PDE8B: variants seen among roughly 807,000 people sequenced by gnomAD.
The protein encoded by PDE8B is phosphodiesterase 8B.
In PDE8B, 26 loss-of-function variants were observed where a neutral mutation model predicts 101.3. The ratio of observed to expected loss-of-function variants is 0.26; its 90% confidence interval spans 0.19 to 0.36. The LOEUF (loss-of-function observed/expected upper bound fraction) is 0.36, where lower values mean the gene tolerates loss of function less well. Ranked by LOEUF, PDE8B falls within the 10% of genes least tolerant of loss-of-function variation. The pLI is 1.00. For missense variants in PDE8B, 810 were observed against 1,163.1 expected (o/e 0.70, Z 4.42); for synonymous variants, 424 against 429.3 (o/e 0.99, Z 0.15).
At chr5:77,169,367 C>G in the PDE8B span, among the ~76,000 whole-genome samples, 1 of 152,178 alleles carries the variant, frequency 6.6e-6, no homozygotes, top group African/African-American at 2.4e-5. Context: ...TAACGTACAT[C>G]ACAATCACCT....
chr5:77,380,837 T>A (rs1485963973), intron 10 of PDE8B, among the ~76,000 whole-genome samples: 1 of 152,196 alleles, frequency 6.6e-6, no homozygotes, highest in African/African-American at 2.4e-5. Flanking sequence ...CTTGACCTTA[T>A]AAGGGAGTAG....
At chr5:77,298,827 C>A (rs1769201003) in intron 1 of PDE8B, among the ~76,000 whole-genome samples, 1 of 152,222 alleles carries the variant, frequency 6.6e-6, no homozygotes, top group Non-Finnish European at 1.5e-5. Flanking sequence ...CTCTTCAAAT[C>A]TGAGGGTGAA....
rs1469816029 is a variant in PDE8B, at chr5:77,370,381, G to A, written c.1167+16975G>A. 3.3e-5 allele frequency among the ~76,000 whole-genome samples: 5 copies of A among 152,178 alleles called. No homozygotes were observed. The East Asian group carries it at 9.6e-4, about 29-fold the overall frequency. ...TATCCACCATAGATTAGTTTTGCCT[G>A]TTCTAGAATTTCATCTAAATGGAGT... is the stretch of plus-strand genomic sequence containing the variant. On this transcript the variant is annotated intron_variant, in intron 10 of 21. Transcript: ENST00000264917.
At chr5:77,243,061 A>G (rs1464365103) in intron 1 of PDE8B, among the ~76,000 whole-genome samples, 1 of 152,122 alleles carries the variant, frequency 6.6e-6, no homozygotes, top group Non-Finnish European at 1.5e-5. Context: ...CAACTATACC[A>G]TGTTTATTCT....
chr5:77,337,438 C>T (rs1032813982), intron 6 of PDE8B, 123 bp downstream of exon 6: 2 of 700,294 alleles, frequency 2.9e-6, no homozygotes, highest in East Asian at 2.7e-5. Flanking sequence ...TTTAAACAGG[C>T]AATGAATGGC....
intron 1 of PDE8B, among the ~76,000 whole-genome samples, chr5:77,264,549 T>A (rs1261603728): frequency 6.6e-6 from 1 of 152,166 alleles, no homozygotes; most frequent in African/African-American, 2.4e-5. Context: ...GGATATTTGA[T>A]TCTTCTAGAA....
intron 10 of PDE8B, among the ~76,000 whole-genome samples, chr5:77,387,840 A>G (rs150030098): frequency 6.6e-6 from 1 of 151,394 alleles, no homozygotes; most frequent in African/African-American, 2.4e-5. Context: ...TCAATCTCTG[A>G]TATCCTTTTT....
At chr5:77,254,360 G>C (rs1331772355) in intron 1 of PDE8B, among the ~76,000 whole-genome samples, 1 of 151,988 alleles carries the variant, frequency 6.6e-6, no homozygotes, top group African/African-American at 2.4e-5. Context: ...TTGAATAACT[G>C]CTTTCCAATT....
chr5:77,197,035 T>C, the PDE8B span, among the ~76,000 whole-genome samples: 15 of 100,744 alleles, frequency 1.5e-4, no homozygotes, highest in African/African-American at 5.5e-4. Flanking sequence ...ATAACACTAA[T>C]TGATGTATTT....
intron 14 of PDE8B, chr5:77,410,823 T>C (rs1459797165): frequency 1.4e-5 from 2 of 145,312 alleles, no homozygotes; most frequent in African/African-American, 4.9e-5. Context: ...CAAATAAGCA[T>C]TTCTTTTTTT....
At chr5:77,107,494 A>G in the PDE8B span, among the ~76,000 whole-genome samples, 1 of 152,074 alleles carries the variant, frequency 6.6e-6, no homozygotes, top group Non-Finnish European at 1.5e-5. Flanking sequence ...TTTTTTGTCC[A>G]ATATCTGTGT....
the PDE8B span, among the ~76,000 whole-genome samples, chr5:77,196,537 C>T: frequency 1.3e-5 from 2 of 152,040 alleles, no homozygotes; most frequent in African/African-American, 2.4e-5. Context: ...GGATAAAAAC[C>T]GCTTGGTCAT....
intron 1 of PDE8B, among the ~76,000 whole-genome samples, chr5:77,219,958 C>G (rs1443966782): frequency 6.6e-6 from 1 of 152,208 alleles, no homozygotes; most frequent in Non-Finnish European, 1.5e-5. Flanking sequence ...TCATGTGCAG[C>G]CTCAGACACA....
At chr5:77,397,249 C>T (rs1013324617) in intron 10 of PDE8B, among the ~76,000 whole-genome samples, 4 of 151,766 alleles carry the variant, frequency 2.6e-5, no homozygotes, top group Admixed American at 6.6e-5. Context: ...AGGCTGGTCT[C>T]GAACTCCTGA....
intron 10 of PDE8B, among the ~76,000 whole-genome samples, chr5:77,362,106 T>C (rs1277921484): frequency 6.6e-6 from 1 of 152,194 alleles, no homozygotes; most frequent in Non-Finnish European, 1.5e-5. Flanking sequence ...TCAAACTGCT[T>C]AACTCAACTC....
intron 10 of PDE8B, among the ~76,000 whole-genome samples, chr5:77,388,740 A>G (rs1789269920): frequency 6.6e-6 from 1 of 152,136 alleles, no homozygotes; most frequent in South Asian, 2.1e-4. Flanking sequence ...CTGACTGGGA[A>G]TGCTGCCTTT....
At chr5:77,419,727 C>T in intron 18 of PDE8B, 40 bp from the exon 19 acceptor site, 2 of 1,611,552 alleles carry the variant, frequency 1.2e-6, no homozygotes, top group Non-Finnish European at 1.7e-6. Context: ...TAATTTGAGA[C>T]ACGCTGTGAA....
chr5:77,235,225 C>T (rs1490375816), intron 1 of PDE8B, among the ~76,000 whole-genome samples: 7 of 152,166 alleles, frequency 4.6e-5, no homozygotes, highest in Non-Finnish European at 8.8e-5. Context: ...TGTGCGTGCA[C>T]GTGCTTGAGG....
At chr5:77,365,198 A>G (rs558601849) in intron 10 of PDE8B, among the ~76,000 whole-genome samples, 1 of 152,274 alleles carries the variant, frequency 6.6e-6, no homozygotes, top group Admixed American at 6.5e-5. Flanking sequence ...AGAATTATCA[A>G]AGAAAACAAC....
Sources: gnomAD v4.1 joint callset for allele counts (sites outside exome capture counted in the v4.1 genomes callset) on GRCh38, gnomAD v4.1.1 for gene constraint, MANE v1.5 for transcripts, NCBI Gene and HGNC (gene_info 2026-07-23, HGNC 2026-07-21) for gene names.